Variants in CEP83 observed in about 807,000 individuals in gnomAD.
CEP83 encodes the protein centrosomal protein 83.
A neutral mutation model predicts 101.9 loss-of-function variants in CEP83; 70 were observed. The observed-to-expected ratio is 0.69, with a 90% CI of 0.57 to 0.84. The LOEUF (loss-of-function observed/expected upper bound fraction) is 0.84, where lower values mean the gene tolerates loss of function less well. Among genes scored for constraint, CEP83 ranks in the 40% least tolerant of loss-of-function variants. The probability of loss-of-function intolerance (pLI) is 0.00; values close to 1 mark genes in which losing one functional copy is unlikely to be tolerated. For missense variants in CEP83, 715 were observed against 787.2 expected (o/e 0.91, Z 1.10); for synonymous variants, 264 against 267.9 (o/e 0.99, Z 0.14).
In CEP83 at chr12:94,381,727, T is replaced by C. The variant is rs374822754; in HGVS notation, c.550-2685A>G. On this transcript the variant is annotated intron_variant, in intron 6 of 16. Transcript: ENST00000397809. Reference sequence around the variant, plus strand: ...TTGCTTTACTGTCTTCTGGCTTTTATTACTTGTAAAAATAAGTCTGTCGTC... The same window carrying C: ...TTGCTTTACTGTCTTCTGGCTTTTACTACTTGTAAAAATAAGTCTGTCGTC... 5.9e-5 allele frequency among the ~76,000 whole-genome samples: 9 copies of C among 152,270 alleles called. No individual in the cohort carries two copies. The South Asian group carries it at 8.3e-4, about 14-fold the overall frequency.
intron 6 of CEP83, among the ~76,000 whole-genome samples, chr12:94,395,519 A>G (rs1593689166): frequency 6.6e-6 from 1 of 152,242 alleles, no homozygotes; most frequent in East Asian, 1.9e-4. Context: ...AATTACTTAC[A>G]TACTTAAAGT....
chr12:94,393,689 T>C (rs1001971028), intron 6 of CEP83, among the ~76,000 whole-genome samples: 3 of 152,354 alleles, frequency 2.0e-5, no homozygotes, highest in Admixed American at 6.5e-5. Context: ...AAATTGTCCC[T>C]GTTTGCAGAT....
intron 1 of CEP83, among the ~76,000 whole-genome samples, chr12:94,452,858 AC>A: frequency 6.6e-6 from 1 of 152,294 alleles, no homozygotes; most frequent in African/African-American, 2.4e-5. Context: ...TACATTAAGG[AC>A]CAAAAAATTA....
the CEP83 span, chr12:94,278,055 G>GC: frequency 3.7e-5 from 17 of 455,838 alleles, no homozygotes; most frequent in Middle Eastern, 3.3e-4. Context: ...CGGCTTTGGA[G>GC]CCCCCCCTCC....
chr12:94,307,243 T>TATA (rs10685840), downstream of CEP83: 17,881 of 152,210 alleles, frequency 0.12, 1,424 homozygotes, highest in Non-Finnish European at 0.18. Flanking sequence ...TCAATTTCTG[T>TATA]ATAATATTTC....
At chr12:94,268,588 C>CTTTTTT in the CEP83 span, among the ~76,000 whole-genome samples, 129 of 90,734 alleles carry the variant, frequency 1.4e-3, no homozygotes, top group East Asian at 2.2e-3. Context: ...AGAATAAGAC[C>CTTTTTT]TTTTTTTTTT....
At chr12:94,439,074 A>G (rs187521826) in intron 1 of CEP83, among the ~76,000 whole-genome samples, 1 of 152,304 alleles carries the variant, frequency 6.6e-6, no homozygotes, top group African/African-American at 2.4e-5. Context: ...AAAAATTCTG[A>G]AAAAGCACAA....
chr12:94,292,244 C>A, the CEP83 span, among the ~76,000 whole-genome samples: 1 of 152,102 alleles, frequency 6.6e-6, no homozygotes, highest in Non-Finnish European at 1.5e-5. Flanking sequence ...AGGCAAAATT[C>A]ATAAATGGTG....
At chr12:94,272,609 G>C in the CEP83 span, among the ~76,000 whole-genome samples, 1 of 152,106 alleles carries the variant, frequency 6.6e-6, no homozygotes, top group Non-Finnish European at 1.5e-5. Flanking sequence ...CCTTTTGTTC[G>C]GATCGAAGAC....
downstream of CEP83, chr12:94,305,248 T>A: frequency 6.2e-7 from 1 of 1,611,200 alleles, no homozygotes; most frequent in Non-Finnish European, 8.5e-7. Context: ...CATGTAAAAG[T>A]CTTATTTGAT....
At chr12:94,383,704 C>T (rs1030528181) in intron 6 of CEP83, among the ~76,000 whole-genome samples, 8 of 151,988 alleles carry the variant, frequency 5.3e-5, no homozygotes, top group African/African-American at 1.7e-4. Context: ...TTTTCTTTTT[C>T]TTGCCTGTTA....
At chr12:94,406,322 T>C (rs1168974643) in intron 4 of CEP83, among the ~76,000 whole-genome samples, 1 of 151,370 alleles carries the variant, frequency 6.6e-6, no homozygotes, top group Non-Finnish European at 1.5e-5. Context: ...TAAAACTCCG[T>C]CTCAAAAACA....
At chr12:94,349,410 T>A (rs1322996675) in intron 11 of CEP83, among the ~76,000 whole-genome samples, 1 of 152,170 alleles carries the variant, frequency 6.6e-6, no homozygotes, top group Admixed American at 6.5e-5. Context: ...TTTTGATTAA[T>A]AAAGATGTGT....
intron 11 of CEP83, among the ~76,000 whole-genome samples, chr12:94,360,618 TGAAAA>T (rs1406362919): frequency 6.6e-6 from 1 of 151,580 alleles, no homozygotes; most frequent in Non-Finnish European, 1.5e-5. Flanking sequence ...CACCAAAAAA[TGAAAA>T]GAAATCTCAT....
At chr12:94,363,633 A>T (rs1363290339) in intron 11 of CEP83, among the ~76,000 whole-genome samples, 2 of 152,104 alleles carry the variant, frequency 1.3e-5, no homozygotes, top group Non-Finnish European at 2.9e-5. Context: ...GTAGAACTGA[A>T]ATATTATTAA....
intron 2 of CEP83, chr12:94,423,956 C>T: frequency 6.2e-7 from 1 of 1,612,840 alleles, no homozygotes; most frequent in Non-Finnish European, 8.5e-7. Flanking sequence ...GGTAAGGGGT[C>T]CCATCATGGA....
At chr12:94,301,112 G>A in the CEP83 span, 17 of 1,520,898 alleles carry the variant, frequency 1.1e-5, no homozygotes, top group East Asian at 3.6e-4. Flanking sequence ...TGACATACTT[G>A]TCTTTCTGAT....
chr12:94,411,581 A>G, intron 4 of CEP83, 116 bp downstream of exon 4: 3 of 713,170 alleles, frequency 4.2e-6, no homozygotes, highest in Non-Finnish European at 7.1e-6. Flanking sequence ...TTGGAGATAC[A>G]GCAAAGTAAT....
intron 6 of CEP83, among the ~76,000 whole-genome samples, chr12:94,392,288 T>C (rs1033584218): frequency 5.9e-5 from 9 of 152,136 alleles, no homozygotes; most frequent in Admixed American, 4.6e-4. Flanking sequence ...CAACAAATTG[T>C]CTCTCAGACC....
Sources: allele counts gnomAD v4.1 joint callset (sites outside exome capture counted in the v4.1 genomes callset), GRCh38; gene constraint gnomAD v4.1.1; transcripts MANE v1.5; gene names NCBI Gene and HGNC (gene_info 2026-07-23, HGNC 2026-07-21).